Variants in HDX observed in about 807,000 individuals in gnomAD.
HDX encodes chromosome X open reading frame 43.
HDX carries 19 observed loss-of-function variants against 45.2 expected under a neutral mutation model. That is an observed-to-expected ratio of 0.42 (90% CI 0.29 to 0.62). The LOEUF is 0.62. Among genes scored for constraint, HDX ranks in the 20% least tolerant of loss-of-function variants. The probability of loss-of-function intolerance (pLI) is 0.20; values close to 1 mark genes in which losing one functional copy is unlikely to be tolerated. For synonymous variants in HDX, 188 were observed against 172.8 expected, an observed-to-expected ratio of 1.09 and a Z score of -0.69; for missense variants, 532 against 493.9, an observed-to-expected ratio of 1.08 and a Z score of -0.73.
chrX:84,450,418 T>G (rs773014650), intron 4 of HDX, among the ~76,000 whole-genome samples: 16 of 111,261 alleles, frequency 1.4e-4, no homozygotes, highest in Non-Finnish European at 2.5e-4. Context: ...AAACAGACTT[T>G]AAGTAAAAAA....
chrX:84,493,516 C>A (rs2040935654), intron 1 of HDX, among the ~76,000 whole-genome samples: 1 of 111,656 alleles, frequency 9.0e-6, no homozygotes, highest in African/African-American at 3.2e-5. Flanking sequence ...ATTTTATGTA[C>A]ACATACTCCA....
At chrX:84,372,006 G>A (rs2037908300) in intron 5 of HDX, among the ~76,000 whole-genome samples, 1 of 111,441 alleles carries the variant, frequency 9.0e-6, no homozygotes, top group African/African-American at 3.3e-5. Context: ...AATCAAAATA[G>A]GAAATTTACA....
At chrX:84,394,770 GT>G (rs61375632) in intron 5 of HDX, among the ~76,000 whole-genome samples, 1 of 23,216 alleles carries the variant, frequency 4.3e-5, no homozygotes, top group Non-Finnish European at 1.6e-4. Flanking sequence ...TCTCTTTTCA[GT>G]TTTTTTTTAT....
chrX:84,366,759 T>C (rs192700198), intron 5 of HDX, among the ~76,000 whole-genome samples: 108 of 111,741 alleles, frequency 9.7e-4, no homozygotes, highest in Admixed American at 4.5e-3. Context: ...AGCAACACCC[T>C]ATTTAATAAA....
At chrX:84,486,343 A>G (rs764709658) in intron 2 of HDX, among the ~76,000 whole-genome samples, 1 of 111,429 alleles carries the variant, frequency 9.0e-6, no homozygotes, top group Non-Finnish European at 1.9e-5. Flanking sequence ...AAAAACCCTG[A>G]TAGACAATGT....
At chrX:84,383,609 C>A (rs1278671686) in intron 5 of HDX, among the ~76,000 whole-genome samples, 2 of 111,267 alleles carry the variant, frequency 1.8e-5, no homozygotes, top group African/African-American at 6.5e-5. Context: ...ATTTTAGATA[C>A]AGGATGTACA....
At chrX:84,398,123 CAT>C (rs751269091) in intron 5 of HDX, among the ~76,000 whole-genome samples, 15 of 108,229 alleles carry the variant, frequency 1.4e-4, no homozygotes, top group South Asian at 4.1e-4. Flanking sequence ...CACACACACA[CAT>C]ATATATATAT....
chrX:84,501,102 T>C (rs776837084), intron 1 of HDX, among the ~76,000 whole-genome samples: 1 of 111,716 alleles, frequency 9.0e-6, no homozygotes, highest in Non-Finnish European at 1.9e-5. Context: ...CAGATTCCTC[T>C]GTAAAATTGT....
intron 4 of HDX, among the ~76,000 whole-genome samples, chrX:84,442,370 A>G (rs2039778486): frequency 1.8e-5 from 2 of 111,271 alleles, no homozygotes; most frequent in South Asian, 7.4e-4. Context: ...ATTCCTGGCC[A>G]CCAGACCTGC....
intron 2 of HDX, among the ~76,000 whole-genome samples, chrX:84,480,415 C>G (rs2040651917): frequency 9.0e-6 from 1 of 111,557 alleles, no homozygotes; most frequent in Admixed American, 9.5e-5. Flanking sequence ...ACATTCTTGC[C>G]TTATTCTCAA....
At chrX:84,437,809 G>A (rs1274131954) in intron 5 of HDX, among the ~76,000 whole-genome samples, 1 of 111,075 alleles carries the variant, frequency 9.0e-6, no homozygotes, top group Non-Finnish European at 1.9e-5. Context: ...TTTATCTCTA[G>A]GTAGAGGAAG....
intron 4 of HDX, among the ~76,000 whole-genome samples, chrX:84,448,354 A>G (rs1203994195): frequency 9.0e-6 from 1 of 111,109 alleles, no homozygotes; most frequent in East Asian, 2.8e-4. Context: ...CCCAAGAATC[A>G]CCACAACTGT....
At chrX:84,500,400 C>T (rs1342861560) in intron 1 of HDX, 1 of 110,102 alleles carries the variant, frequency 9.1e-6, no homozygotes, top group African/African-American at 3.3e-5. Context: ...GTCATGGTCC[C>T]AACCCTTAAG....
intron 4 of HDX, among the ~76,000 whole-genome samples, chrX:84,462,174 C>T (rs1237827134): frequency 9.0e-6 from 1 of 111,722 alleles, no homozygotes; most frequent in Admixed American, 9.5e-5. Flanking sequence ...CAGTATTTAT[C>T]CAAAATAAAG....
intron 5 of HDX, among the ~76,000 whole-genome samples, chrX:84,427,958 A>G (rs1484255148): frequency 9.0e-6 from 1 of 110,639 alleles, no homozygotes; most frequent in Non-Finnish European, 1.9e-5. Flanking sequence ...ACTTGGTATG[A>G]TCAGTCTTTA....
chrX:84,375,989 A>G (rs2038046865), intron 5 of HDX, among the ~76,000 whole-genome samples: 1 of 112,558 alleles, frequency 8.9e-6, no homozygotes. Context: ...TTTGGCTTAG[A>G]AGACAGAACA....
At position 84,477,418 on chromosome X, in the gene HDX, C is replaced by A. The variant is rs555417889; in HGVS notation, c.1-2021G>T. Among the ~76,000 whole-genome samples, 9 of 112,000 alleles carry A rather than the reference C, an allele frequency of 8.0e-5. No homozygotes were observed. The South Asian group carries it at 3.4e-3, about 42-fold the overall frequency. Reference sequence around the variant, plus strand: ...GTGTGATATCAACCTACAAAACACACCAGGTCCTTCCCCATTGATACCAGT... The same window carrying A: ...GTGTGATATCAACCTACAAAACACAACAGGTCCTTCCCCATTGATACCAGT... On this transcript the variant is annotated intron_variant, in intron 2 of 10. Transcript: ENST00000373177.
At chrX:84,340,727 T>C (rs1436012460) in intron 7 of HDX, among the ~76,000 whole-genome samples, 2 of 111,360 alleles carry the variant, frequency 1.8e-5, no homozygotes, top group Admixed American at 1.9e-4. Flanking sequence ...TTTTCAGTAT[T>C]TGAAAATGAT....
intron 5 of HDX, among the ~76,000 whole-genome samples, chrX:84,394,637 T>G (rs1306219373): frequency 9.0e-6 from 1 of 111,544 alleles, no homozygotes; most frequent in Non-Finnish European, 1.9e-5. Flanking sequence ...TATCTCTCCA[T>G]TTAAGTGTAA....
Sources: gnomAD v4.1 joint callset for allele counts (sites outside exome capture counted in the v4.1 genomes callset) on GRCh38, gnomAD v4.1.1 for gene constraint, MANE v1.5 for transcripts, NCBI Gene and HGNC (gene_info 2026-07-23, HGNC 2026-07-21) for gene names.